Variants in SRSF4 observed in about 807,000 individuals in gnomAD.
SRSF4 encodes the protein serine/arginine-rich splicing factor 4.
SRSF4 carries 12 observed loss-of-function variants against 48.8 expected under a neutral mutation model. That is an observed-to-expected ratio of 0.25 (90% CI 0.16 to 0.40). The LOEUF (loss-of-function observed/expected upper bound fraction) is 0.40. Ranked by LOEUF, SRSF4 falls within the 10% of genes least tolerant of loss-of-function variation. The pLI, the probability that SRSF4 is intolerant of heterozygous loss-of-function variation, is 1.00. For missense variants in SRSF4, 466 were observed against 667.1 expected (o/e 0.70, Z 3.32); for synonymous variants, 248 against 232.5 (o/e 1.07, Z -0.61).
chr1:29,168,278 G>T (rs1672697975), intron 1 of SRSF4, among the ~76,000 whole-genome samples: 1 of 148,188 alleles, frequency 6.7e-6, no homozygotes, highest in African/African-American at 2.5e-5. Flanking sequence ...CAATCCACCT[G>T]CCTTGGCCTC....
At chr1:29,172,876 G>A (rs897760998) in intron 1 of SRSF4, 10 of 152,020 alleles carry the variant, frequency 6.6e-5, no homozygotes, top group African/African-American at 2.2e-4. Context: ...AAAAAAGGTA[G>A]ACAATATAAG....
At chr1:29,162,007 G>A (rs531608529) in intron 1 of SRSF4, among the ~76,000 whole-genome samples, 2 of 152,290 alleles carry the variant, frequency 1.3e-5, no homozygotes, top group African/African-American at 4.8e-5. Flanking sequence ...AGTCTCTCAA[G>A]GTGACAATGT....
At chr1:29,181,472 G>A (rs560140801) in intron 1 of SRSF4, among the ~76,000 whole-genome samples, 174 bp downstream of exon 1, 158 of 152,290 alleles carry the variant, frequency 1.0e-3, no homozygotes, top group African/African-American at 3.7e-3. Flanking sequence ...ACCCGCGCAG[G>A]CGCAGTGGGA....
In SRSF4 at chr1:29,173,466, CTTTTTTTTTTTT is replaced by C. The variant is rs748265951; in HGVS notation, c.107+8168_107+8179del. 4.1e-5 allele frequency: 3 copies of C among 73,068 alleles called. No individual in the cohort carries two copies. The Admixed American group carries it at 5.4e-4, about 13-fold the overall frequency. The allele number at this position is 73,068 out of a possible 1,614,324, so 4.5% of individuals were successfully genotyped here. ...GCCTAAAAAGTTGTTTTTTTTTTTTCTTTTTTTTTTTTTTTTTTGAGATGGAGTCTCACTCTG... is the reference window on the plus strand; with the variant it reads ...GCCTAAAAAGTTGTTTTTTTTTTTTCTTTTTTGAGATGGAGTCTCACTCTG... On this transcript the variant is annotated intron_variant, in intron 1 of 5. Coordinates refer to ENST00000373795, the MANE Select transcript of SRSF4 (RefSeq NM_005626.5).
chr1:29,155,956 G>T (rs1672492957), intron 3 of SRSF4, among the ~76,000 whole-genome samples: 1 of 152,104 alleles, frequency 6.6e-6, no homozygotes, highest in South Asian at 2.1e-4. Context: ...AATAAGAGGA[G>T]ATATGATTAG....
At chr1:29,178,063 C>CTAA (rs1420609591) in intron 1 of SRSF4, among the ~76,000 whole-genome samples, 1 of 151,760 alleles carries the variant, frequency 6.6e-6, no homozygotes, top group African/African-American at 2.4e-5. Flanking sequence ...CCACACCCAG[C>CTAA]TAATCTTTGT....
rs867136858 is a variant in SRSF4, at chr1:29,147,809, C to T, written c.*601G>A. 7 of 182,112 alleles carry T rather than the reference C, an allele frequency of 3.8e-5. No individual in the cohort carries two copies. The highest frequency in any genetic ancestry group is 1.4e-4 in the East Asian group (1 of 7,098). 11.3% of individuals were successfully genotyped at this position (182,112 alleles called of 1,614,324 possible). On this transcript the variant is annotated 3_prime_UTR_variant, in exon 6 of 6. Coordinates refer to ENST00000373795, the MANE Select transcript of SRSF4 (RefSeq NM_005626.5). ...ACAGGGGTCACTATACTTTGCAAGA[C>T]GGGGAAAAATAAAATTAAAAAAAAT...
intron 1 of SRSF4, among the ~76,000 whole-genome samples, chr1:29,174,807 G>C (rs1450098603): frequency 6.6e-6 from 1 of 151,194 alleles, no homozygotes; most frequent in Admixed American, 6.6e-5. Flanking sequence ...CTGAGTAGCT[G>C]GGACTACAGG....
Position 29,168,648 on chromosome 1 carries a change from T to C in SRSF4, c.108-8131A>G, listed in dbSNP as rs978863312. 3.9e-5 allele frequency: 6 copies of C among 152,182 alleles called. No individual in the cohort carries two copies. The East Asian group carries it at 5.8e-4, about 15-fold the overall frequency. 9.4% of individuals were successfully genotyped at this position (152,182 alleles called of 1,614,324 possible). A position where few individuals can be genotyped will look rare whatever the true frequency, so the allele number is the denominator to read the frequency against. On this transcript the variant is annotated intron_variant, in intron 1 of 5. Coordinates refer to ENST00000373795, the MANE Select transcript of SRSF4 (RefSeq NM_005626.5). ...TTCAGAACATAACAGACTAGAAGAATAGAGGAAAAATAAGATTATTCTGTG... is the reference window on the plus strand; with the variant it reads ...TTCAGAACATAACAGACTAGAAGAACAGAGGAAAAATAAGATTATTCTGTG...
At chr1:29,174,656 G>C (rs543944030) in intron 1 of SRSF4, among the ~76,000 whole-genome samples, 1 of 150,404 alleles carries the variant, frequency 6.6e-6, no homozygotes, top group African/African-American at 2.4e-5. Context: ...AGAAAAGGGA[G>C]AGACTGTGCA....
At chr1:29,178,229 A>G (rs181029008) in intron 1 of SRSF4, among the ~76,000 whole-genome samples, 4 of 152,078 alleles carry the variant, frequency 2.6e-5, no homozygotes, top group East Asian at 1.9e-4. Context: ...TTAATTCTAA[A>G]CTTAACTTAC....
chr1:29,156,669 C>T (rs1039002837), intron 3 of SRSF4, among the ~76,000 whole-genome samples: 35 of 152,122 alleles, frequency 2.3e-4, no homozygotes, highest in African/African-American at 6.0e-4. Context: ...CTATTACTCT[C>T]GTTTCCTGAG....
At chr1:29,160,314 T>A (rs560518192) in intron 2 of SRSF4, 61 bp downstream of exon 2, 2 of 1,509,764 alleles carry the variant, frequency 1.3e-6, no homozygotes, top group East Asian at 4.9e-5. Context: ...TTAATTACTT[T>A]AAAAATTAGC....
chr1:29,160,669 C>G (rs964971159), intron 1 of SRSF4, 152 bp from the exon 2 acceptor site: 15 of 796,274 alleles, frequency 1.9e-5, no homozygotes, highest in Non-Finnish European at 2.8e-5. Context: ...GGTGAAACCA[C>G]TTTGCTTTGT....
rs778992152 is a variant in SRSF4, at chr1:29,149,111, C to A, written c.784G>T (p.Ala262Ser). 3.1e-6 allele frequency: 5 copies of A among 1,610,124 alleles called. No homozygotes were observed. In the African/African-American group the frequency reaches 5.4e-5, roughly 17 times the overall value. The change falls in exon 6 of 6, where the codon GCT becomes TCT. Residue 262 changes from alanine to serine, a missense_variant. By Grantham distance (99) the Ala-to-Ser change is moderately conservative (BLOSUM62 1). Around this residue, in one of 2 missense-constraint regions of SRSF4, gnomAD observed 402 missense variants for 437.0 expected, o/e 0.92. Coordinates refer to ENST00000373795, the MANE Select transcript of SRSF4 (RefSeq NM_005626.5). Reference sequence around the variant, plus strand: ...TTGCTCTTGCTGCGGCTCTTGCCAGCGCTATGGCTGCGGCTGCGGCTCTTT... The same window carrying A: ...TTGCTCTTGCTGCGGCTCTTGCCAGAGCTATGGCTGCGGCTGCGGCTCTTT... ...KEKSRSRSHS[A>S]GKSRSKSKDQ...
intron 1 of SRSF4, among the ~76,000 whole-genome samples, chr1:29,179,645 C>T (rs1043532046): frequency 2.6e-5 from 4 of 152,288 alleles, no homozygotes; most frequent in Admixed American, 1.3e-4. Flanking sequence ...GCCCCAACTA[C>T]GACATATACT....
rs1348479205 is a variant in SRSF4, at chr1:29,174,481, CAT to C, written c.107+7163_107+7164del. The stretch of plus-strand genomic sequence containing the variant: ...GGTTCTGATTATGTCCATTAAATAA[CAT>C]ATGTATGTTGGAGTACTATGTAGCC... On this transcript the variant is annotated intron_variant, in intron 1 of 5. Transcript: ENST00000373795. Among the ~76,000 whole-genome samples the C allele has an allele frequency of 5.9e-5, 9 of 152,116 alleles. No homozygotes were observed. The East Asian group carries it at 9.6e-4, about 16-fold the overall frequency.
intron 1 of SRSF4, among the ~76,000 whole-genome samples, chr1:29,175,274 G>T (rs904656675): frequency 1.3e-5 from 2 of 151,862 alleles, no homozygotes; most frequent in African/African-American, 4.8e-5. Context: ...TTAGCCGGGG[G>T]TGGTGGTGCA....
At chr1:29,167,390 T>TTTTG (rs146792001) in intron 1 of SRSF4, among the ~76,000 whole-genome samples, 5,127 of 152,264 alleles carry the variant, frequency 0.034, 256 homozygotes, top group African/African-American at 0.12. Context: ...ACGCTTTTTG[T>TTTTG]TTTTGTTTTT....
Sources: allele counts gnomAD v4.1 joint callset (sites outside exome capture counted in the v4.1 genomes callset), GRCh38; gene constraint gnomAD v4.1.1; regional missense constraint gnomAD v4.1.1; transcripts MANE v1.5; gene names NCBI Gene and HGNC (gene_info 2026-07-23, HGNC 2026-07-21).